The following BNIP2 variants were observed in gnomAD, a reference collection of about 807,000 sequenced individuals.
BNIP2 encodes BCL2/adenovirus E1B 19 kDa protein-interacting protein 2.
BNIP2 carries 36 observed loss-of-function variants against 43.4 expected under a neutral mutation model. The observed-to-expected ratio is 0.83, with a 90% CI of 0.64 to 1.10. The LOEUF is 1.10. Ranked by LOEUF, BNIP2 falls within the 50% of genes least tolerant of loss-of-function variation. The pLI, the probability that BNIP2 is intolerant of heterozygous loss-of-function variation, is 0.00. For synonymous variants in BNIP2, 146 were observed against 121.0 expected (o/e 1.21, Z -1.35); for missense variants, 417 against 374.1 (o/e 1.11, Z -0.95).
At chr15:59,680,175 A>G in intron 3 of BNIP2, 66 bp downstream of exon 3, 1 of 1,247,842 alleles carries the variant, frequency 8.0e-7, no homozygotes, top group South Asian at 1.7e-5. Flanking sequence ...TTTTGGACAA[A>G]GAAACGTGTT....
Position 59,671,142 on chromosome 15 carries a change from A to T in BNIP2, c.707+41T>A, listed in dbSNP as rs769780337. The T allele has an allele frequency of 2.0e-6, 3 of 1,505,300 alleles. No individual in the cohort carries two copies. In the South Asian group the frequency reaches 3.9e-5, roughly 20 times the overall value. The allele number at this position is 1,505,300 out of a possible 1,614,324, so 93.2% of individuals were successfully genotyped here. The stretch of plus-strand genomic sequence containing the variant: ...AAGTTTGATTTCCTAAAGCCATTAT[A>T]AAATTTTTTCAGACTAGCTTTCAAC... On this transcript the variant is annotated intron_variant, in intron 7 of 9. Coordinates refer to ENST00000607373, the MANE Select transcript of BNIP2 (RefSeq NM_004330.4).
intron 1 of BNIP2, among the ~76,000 whole-genome samples, chr15:59,685,852 A>G (rs1566984193): frequency 6.6e-6 from 1 of 152,266 alleles, no homozygotes; most frequent in Admixed American, 6.5e-5. Flanking sequence ...GAAACAAACA[A>G]GAAAGGAGTT....
At chr15:59,665,328 T>C (rs1892508255) in intron 9 of BNIP2, 1 of 150,132 alleles carries the variant, frequency 6.7e-6, no homozygotes, top group African/African-American at 2.5e-5. Context: ...AAATTAATTA[T>C]TGGCTAGACA....
intron 5 of BNIP2, among the ~76,000 whole-genome samples, chr15:59,672,962 C>CA (rs1168056934): frequency 2.6e-5 from 4 of 151,886 alleles, no homozygotes; most frequent in Non-Finnish European, 4.4e-5. Context: ...ACAGAAAAAA[C>CA]AAAAAAACCC....
intron 1 of BNIP2, among the ~76,000 whole-genome samples, chr15:59,684,469 CCT>C (rs1893890406): frequency 6.6e-6 from 1 of 152,134 alleles, no homozygotes; most frequent in Non-Finnish European, 1.5e-5. Context: ...CAAACAATCC[CCT>C]CTGTTTAGAA....
At chr15:59,682,567 T>G in intron 1 of BNIP2, 53 bp from the exon 2 acceptor site, 1 of 1,364,012 alleles carries the variant, frequency 7.3e-7, no homozygotes, top group Non-Finnish European at 1.0e-6. Context: ...TTTTATCCAC[T>G]GAAAAGGCGT....
At chr15:59,683,449 T>G (rs1447082350) in intron 1 of BNIP2, among the ~76,000 whole-genome samples, 2 of 152,224 alleles carry the variant, frequency 1.3e-5, no homozygotes, top group African/African-American at 2.4e-5. Flanking sequence ...TTTCTGTTCT[T>G]TTCTTTTCTT....
At chr15:59,679,893 G>A in intron 3 of BNIP2, 125 bp from the exon 4 acceptor site, 1 of 926,346 alleles carries the variant, frequency 1.1e-6, no homozygotes, top group Non-Finnish European at 1.5e-6. Context: ...TAATTTCAAA[G>A]CACCTATTCA....
At position 59,668,971 on chromosome 15, in the gene BNIP2, T is replaced by C. The variant is rs777217325; in HGVS notation, c.814A>G (p.Ile272Val). The change falls in exon 9 of 10, where the codon ATT (isoleucine) becomes GTT (valine). Residue 272 changes from isoleucine (I) to valine (V), a missense_variant. Coordinates refer to ENST00000607373, the MANE Select transcript of BNIP2 (RefSeq NM_004330.4). ...TCTGCCAAATTAAACACGTATCTAA[T>C]TTTTTGGCTGAATTTCGAGCTATGG... ...PFISSKFSQK[I>V]RYVFNLAELA... 8 of 1,613,126 alleles carry C rather than the reference T, an allele frequency of 5.0e-6. No homozygotes were observed. Among genetic ancestry groups the C allele is most frequent in the East Asian group, 2.2e-5 (1 of 44,838 alleles).
chr15:59,680,300 G>A lies in BNIP2; in HGVS notation c.59C>T (p.Pro20Leu), dbSNP rs1566975681. ...ATCTGCTTCAATACTATCATCTTCT[G>A]GTAAAGGTCTAGAAGACACAGGCAT... ...WQDEDFPIPL[P>L]EDDSIEADIL... The change falls in exon 3 of 10, where the codon CCA (proline) becomes CTA (leucine). Residue 20 changes from proline to leucine, a missense_variant. Transcript: ENST00000607373. 1.9e-6 allele frequency: 3 copies of A among 1,597,192 alleles called. No individual in the cohort carries two copies. Among genetic ancestry groups the A allele is most frequent in the Non-Finnish European group, 2.6e-6 (3 of 1,170,702 alleles).
chr15:59,679,055 G>A (rs987392594), intron 4 of BNIP2, among the ~76,000 whole-genome samples: 31 of 152,108 alleles, frequency 2.0e-4, no homozygotes, highest in African/African-American at 7.0e-4. Context: ...AAAAAAATAT[G>A]TAAAAATTAT....
intron 1 of BNIP2, 94 bp downstream of exon 1, chr15:59,689,041 G>A: frequency 1.4e-6 from 2 of 1,458,850 alleles, no homozygotes; most frequent in Non-Finnish European, 1.8e-6. Flanking sequence ...CTCCCCGGAC[G>A]TCGTGGGCAC....
chr15:59,682,510 A>C lies in BNIP2; in HGVS notation c.-53T>G, dbSNP rs760998711. ...AAACTCTTGATAATCCAGGGAGCCA[A>C]TGTCCTATGAAGAGAGAAAAATGTA... is the stretch of plus-strand genomic sequence containing the variant. On this transcript the variant is annotated 5_prime_UTR_variant, in exon 2 of 10. Transcript: ENST00000607373. 1.2e-6 allele frequency: 2 copies of C among 1,610,146 alleles called. No homozygotes were observed. The highest frequency in any genetic ancestry group is 1.7e-6 in the Non-Finnish European group (2 of 1,178,576).
intron 5 of BNIP2, chr15:59,676,731 G>A (rs1893317691): frequency 1.2e-5 from 14 of 1,195,470 alleles, no homozygotes; most frequent in Admixed American, 4.1e-5. Context: ...CGCGCGGTGC[G>A]GTGCGGGCGG....
chr15:59,669,062 C>G (rs1595689921), intron 8 of BNIP2, 72 bp from the exon 9 acceptor site: 2 of 1,333,356 alleles, frequency 1.5e-6, no homozygotes, highest in Middle Eastern at 2.1e-4. Context: ...TTACAAGATA[C>G]AAAAATCATG....
In BNIP2 at chr15:59,689,258, C is replaced by T; in HGVS notation, c.-181G>A. ...GCTCCCCTCGGTCGGCGGTGGAGAC[C>T]CCGGCCCAATCCCCCGGCCGCAGCG... is the stretch of plus-strand genomic sequence containing the variant. On this transcript the variant is annotated 5_prime_UTR_variant, in exon 1 of 10. Coordinates refer to ENST00000607373, the MANE Select transcript of BNIP2 (RefSeq NM_004330.4). 2 of 1,544,310 alleles carry T rather than the reference C, an allele frequency of 1.3e-6. No homozygotes were observed. The highest frequency in any genetic ancestry group is 1.2e-5 in the South Asian group (1 of 83,984).
In BNIP2 at chr15:59,662,398, T is replaced by C. The variant is rs1254165378; in HGVS notation, c.*1671A>G. The C allele has an allele frequency of 1.3e-5, 2 of 152,236 alleles. No individual in the cohort carries two copies. The highest frequency in any genetic ancestry group is 4.8e-5 in the African/African-American group (2 of 41,466). The allele number at this position is 152,236 out of a possible 1,614,324, so 9.4% of individuals were successfully genotyped here. ...GCAAGCAATAATCGTTTTGGCTCAA[T>C]TCACTGTAATGACATTAGTTCAGGA... On this transcript the variant is annotated 3_prime_UTR_variant, in exon 10 of 10. Transcript: ENST00000607373.
chr15:59,663,957 C>A lies in BNIP2; in HGVS notation c.*112G>T. 1 of 845,924 alleles carries A rather than the reference C, an allele frequency of 1.2e-6. No homozygotes were observed. The highest frequency in any genetic ancestry group is 2.2e-5 in the South Asian group (1 of 46,118). 52.4% of individuals were successfully genotyped at this position (845,924 alleles called of 1,614,324 possible). ...AAAGTCCATTATGAAAAAGTCAAGT[C>A]TATTTTGTAACAGGTTACATAAAAA... On this transcript the variant is annotated 3_prime_UTR_variant, in exon 10 of 10. Coordinates refer to ENST00000607373, the MANE Select transcript of BNIP2 (RefSeq NM_004330.4).
chr15:59,682,199 C>T (rs1406245951), intron 2 of BNIP2, among the ~76,000 whole-genome samples: 1 of 152,028 alleles, frequency 6.6e-6, no homozygotes, highest in African/African-American at 2.4e-5. Context: ...TGGTGGCGCA[C>T]ACCTATAGTC....
Sources: allele counts gnomAD v4.1 joint callset (sites outside exome capture counted in the v4.1 genomes callset), GRCh38; gene constraint gnomAD v4.1.1; transcripts MANE v1.5; gene names NCBI Gene and HGNC (gene_info 2026-07-23, HGNC 2026-07-21).